RLF: variants seen among roughly 807,000 people sequenced by gnomAD.
RLF encodes RLF zinc finger, also known as zinc finger protein Rlf.
RLF carries 7 observed loss-of-function variants against 162.9 expected under a neutral mutation model. The observed-to-expected ratio is 0.04, with a 90% CI of 0.02 to 0.08. The LOEUF is 0.08. Among genes scored for constraint, RLF ranks in the 10% least tolerant of loss-of-function variants. The pLI is 1.00. For synonymous variants in RLF, 782 were observed against 791.5 expected (o/e 0.99, Z 0.20); for missense variants, 1,664 against 2,244.7 (o/e 0.74, Z 5.23).
chr1:40,222,448 CTCAT>C, intron 5 of RLF, 122 bp from the exon 6 acceptor site: 2 of 735,402 alleles, frequency 2.7e-6, no homozygotes, highest in Non-Finnish European at 4.5e-6. Context: ...TGCAAGAAGA[CTCAT>C]TCATTAGCAG....
intron 5 of RLF, among the ~76,000 whole-genome samples, chr1:40,205,830 C>T (rs925241806): frequency 1.3e-5 from 2 of 152,060 alleles, no homozygotes; most frequent in Non-Finnish European, 2.9e-5. Flanking sequence ...TGACCTTTGC[C>T]CCTGGCAGTA....
chr1:40,216,153 A>C (rs190410960), intron 5 of RLF, among the ~76,000 whole-genome samples: 210 of 152,302 alleles, frequency 1.4e-3, no homozygotes, highest in Non-Finnish European at 1.8e-3. Flanking sequence ...AACAAATTAC[A>C]TTACTGGATG....
At chr1:40,181,244 A>G (rs1324814791) in intron 1 of RLF, among the ~76,000 whole-genome samples, 1 of 152,146 alleles carries the variant, frequency 6.6e-6, no homozygotes, top group African/African-American at 2.4e-5. Context: ...AGCCTGGCCA[A>G]TATGGCGAAA....
intron 1 of RLF, among the ~76,000 whole-genome samples, chr1:40,170,210 AATT>A (rs1288621817): frequency 6.6e-6 from 1 of 151,818 alleles, no homozygotes; most frequent in Admixed American, 6.6e-5. Context: ...CACTAGTTTT[AATT>A]ATTTAGTTTT....
Position 40,165,788 on chromosome 1 carries a change from C to A in RLF, c.237+4152C>A, listed in dbSNP as rs11584362. Among the ~76,000 whole-genome samples, 12 of 152,052 alleles carry A rather than the reference C, an allele frequency of 7.9e-5. No homozygotes were observed. The East Asian group carries it at 9.6e-4, about 12-fold the overall frequency. On this transcript the variant is annotated intron_variant, in intron 1 of 7. Coordinates refer to ENST00000372771, the MANE Select transcript of RLF (RefSeq NM_012421.4). ...CTAAAATACCTCAATTCCTCCCCCC[C>A]CTCCGCCAAAGGAAAGATAAAGTTC... is the stretch of plus-strand genomic sequence containing the variant.
At position 40,236,877 on chromosome 1, in the gene RLF, T is replaced by G; in HGVS notation, c.2175T>G (p.Ser725=). Residue 725 remains serine, a synonymous_variant, in exon 8 of 8, where the codon TCT becomes TCG. Transcript: ENST00000372771. The surrounding 1 kb of genome is among the most constrained non-coding windows in gnomAD (Gnocchi z 7.7). ...CTTACTGTCGACGACATTTTATGTC[T>G]GCTTTTCACCTTCGAGAGCACGAAC... The part of the protein sequence containing the change: ...KCTYCRRHFM[S]AFHLREHEQV... The G allele has an allele frequency of 6.2e-7, 1 of 1,614,198 alleles. No homozygotes were observed. The highest frequency in any genetic ancestry group is 8.5e-7 in the Non-Finnish European group (1 of 1,180,022).
chr1:40,173,681 T>C (rs1426884978), intron 1 of RLF, among the ~76,000 whole-genome samples: 4 of 151,988 alleles, frequency 2.6e-5, no homozygotes, highest in Non-Finnish European at 5.9e-5. Flanking sequence ...ACCCAGCTAA[T>C]TTTTTGTATT....
At position 40,237,959 on chromosome 1, in the gene RLF, A is replaced by G; in HGVS notation, c.3257A>G (p.Gln1086Arg). The change falls in exon 8 of 8, where the codon CAG (glutamine) becomes CGG (arginine). Residue 1086 changes from glutamine (Q) to arginine (R), a missense_variant. Gln to Arg is a conservative substitution (Grantham distance 43). Around this residue, in one of 15 missense-constraint regions of RLF, gnomAD observed 295 missense variants for 317.4 expected, o/e 0.93. Transcript: ENST00000372771. The surrounding 1 kb of genome is among the most constrained non-coding windows in gnomAD (Gnocchi z 4.4). The part of the protein sequence containing the change: ...ITHGSFSGSL[Q>R]GYPSSGAKSL... The stretch of plus-strand genomic sequence containing the variant: ...CATGGATCTTTCTCAGGGTCATTGC[A>G]GGGGTACCCATCCAGTGGTGCTAAG... 6 of 1,614,156 alleles carry G rather than the reference A, an allele frequency of 3.7e-6. No individual in the cohort carries two copies. Among genetic ancestry groups the G allele is most frequent in the South Asian group, 1.1e-5 (1 of 91,078 alleles).
intron 1 of RLF, among the ~76,000 whole-genome samples, chr1:40,176,824 C>T (rs574323859): frequency 4.9e-4 from 75 of 152,232 alleles, no homozygotes; most frequent in African/African-American, 1.3e-3. Context: ...AAATCTTTGC[C>T]ATTGAAAAAT....
At chr1:40,216,843 G>A in intron 5 of RLF, among the ~76,000 whole-genome samples, 1 of 152,134 alleles carries the variant, frequency 6.6e-6, no homozygotes, top group East Asian at 1.9e-4. Flanking sequence ...CTTGAGGTCA[G>A]GAGTTCGAGT....
intron 5 of RLF, among the ~76,000 whole-genome samples, chr1:40,210,834 G>A (rs1455866478): frequency 6.6e-6 from 1 of 152,138 alleles, no homozygotes. Flanking sequence ...TGGGTGGAGG[G>A]ACAAGGGAGA....
intron 1 of RLF, among the ~76,000 whole-genome samples, chr1:40,187,742 G>T (rs1642501196): frequency 6.6e-6 from 1 of 152,026 alleles, no homozygotes; most frequent in Non-Finnish European, 1.5e-5. Flanking sequence ...AAGTAATCAA[G>T]ATGATGCTAA....
In RLF at chr1:40,239,302, G is replaced by A. The variant is rs775758495; in HGVS notation, c.4600G>A (p.Ala1534Thr). The A allele has an allele frequency of 6.2e-7, 1 of 1,614,068 alleles. No homozygotes were observed. The highest frequency in any genetic ancestry group is 1.3e-5 in the African/African-American group (1 of 75,000). The change falls in exon 8 of 8, where the codon GCT becomes ACT. Residue 1534 changes from alanine (A) to threonine (T), a missense_variant. Ala to Thr is a moderately conservative substitution (Grantham distance 58). Coordinates refer to ENST00000372771, the MANE Select transcript of RLF (RefSeq NM_012421.4). ...AGCCCCAATAAGTTTTAAAACCAGAGCTGAGGCCCTCCATATGTGTGTGGA... is the reference window on the plus strand; with the variant it reads ...AGCCCCAATAAGTTTTAAAACCAGAACTGAGGCCCTCCATATGTGTGTGGA... ...KKAPISFKTR[A>T]EALHMCVEHS...
At chr1:40,223,874 A>G (rs1031548246) in intron 6 of RLF, among the ~76,000 whole-genome samples, 3 of 152,366 alleles carry the variant, frequency 2.0e-5, no homozygotes, top group Admixed American at 1.3e-4. Flanking sequence ...TTTCTTCTGT[A>G]TACTTGTTTT....
At position 40,236,234 on chromosome 1, in the gene RLF, T is replaced by C. The variant is rs1337305875; in HGVS notation, c.1532T>C (p.Leu511Pro). The change falls in exon 8 of 8, where the codon CTC (leucine) becomes CCC (proline). Residue 511 changes from leucine (L) to proline (P), a missense_variant. By Grantham distance (98) the Leu-to-Pro change is moderately conservative. Around this residue, in one of 15 missense-constraint regions of RLF, gnomAD observed 54 missense variants for 71.7 expected, o/e 0.75. Coordinates refer to ENST00000372771, the MANE Select transcript of RLF (RefSeq NM_012421.4). The surrounding 1 kb of genome is among the most constrained non-coding windows in gnomAD (Gnocchi z 7.7). Reference sequence around the variant, plus strand: ...GACACAGATGTTTTAGAGTCATTTCTCAGTGACTATGATGAGGGTAAAGAA... The same window carrying C: ...GACACAGATGTTTTAGAGTCATTTCCCAGTGACTATGATGAGGGTAAAGAA... ...INDTDVLESF[L>P]SDYDEGKEDK... The C allele has an allele frequency of 6.2e-7, 1 of 1,613,436 alleles. No homozygotes were observed. The highest frequency in any genetic ancestry group is 2.2e-5 in the East Asian group (1 of 44,878).
intron 5 of RLF, among the ~76,000 whole-genome samples, chr1:40,202,959 A>G (rs1001615593): frequency 4.6e-5 from 7 of 152,134 alleles, no homozygotes; most frequent in African/African-American, 1.7e-4. Context: ...GCATCAAGGG[A>G]TAAACTAAAG....
At chr1:40,206,046 T>A (rs1406887926) in intron 5 of RLF, among the ~76,000 whole-genome samples, 1 of 152,160 alleles carries the variant, frequency 6.6e-6, no homozygotes, top group Non-Finnish European at 1.5e-5. Context: ...TCCCAAAAGT[T>A]TTCTCTCCAG....
At position 40,239,163 on chromosome 1, in the gene RLF, A is replaced by G. The variant is rs1643257191; in HGVS notation, c.4461A>G (p.Leu1487=). Reference sequence around the variant, plus strand: ...GCCAGAAAGTAGCAAATGAGAGACTACTAAGGAGTGAAAAGGTATGTCAAA... The same window carrying G: ...GCCAGAAAGTAGCAAATGAGAGACTGCTAAGGAGTGAAAAGGTATGTCAAA... ...FRSQKVANER[L]LRSEKVCQTA... is the part of the protein sequence containing the mutation. Residue 1487 remains leucine (L), a synonymous_variant, in exon 8 of 8, where the codon CTA becomes CTG. Coordinates refer to ENST00000372771, the MANE Select transcript of RLF (RefSeq NM_012421.4). 3 of 1,614,136 alleles carry G rather than the reference A, an allele frequency of 1.9e-6. No individual in the cohort carries two copies. The highest frequency in any genetic ancestry group is 2.5e-6 in the Non-Finnish European group (3 of 1,180,026).
chr1:40,166,276 A>G (rs1169439202), intron 1 of RLF, among the ~76,000 whole-genome samples: 3 of 152,016 alleles, frequency 2.0e-5, no homozygotes, highest in Non-Finnish European at 4.4e-5. Flanking sequence ...TAGACACTTA[A>G]AACAGTACTT....
Sources: gnomAD v4.1 joint callset for allele counts (sites outside exome capture counted in the v4.1 genomes callset) on GRCh38, gnomAD v4.1.1 for gene constraint, gnomAD v4.1.1 regional missense constraint, Gnocchi (gnomAD v3.1) non-coding constraint, MANE v1.5 for transcripts, NCBI Gene and HGNC (gene_info 2026-07-23, HGNC 2026-07-21) for gene names.